Variants in RAP1GAP observed in about 807,000 individuals in gnomAD.
The protein encoded by RAP1GAP is rap1 GTPase-activating protein 1.
Under a neutral mutation model 87.2 loss-of-function variants are expected in RAP1GAP, and 35 were observed. The ratio of observed to expected loss-of-function variants is 0.40; its 90% confidence interval spans 0.31 to 0.53. The LOEUF is 0.53. RAP1GAP is among the 20% of genes least tolerant of loss of function. The probability of loss-of-function intolerance (pLI) is 0.48; values close to 1 mark genes in which losing one functional copy is unlikely to be tolerated. For synonymous variants in RAP1GAP, 375 were observed against 363.9 expected (o/e 1.03, Z -0.35); for missense variants, 734 against 898.9 (o/e 0.82, Z 2.35).
chr1:21,601,361 A>AT (rs1232810072), intron 20 of RAP1GAP, among the ~76,000 whole-genome samples: 8 of 151,644 alleles, frequency 5.3e-5, no homozygotes, highest in African/African-American at 1.7e-4. Context: ...GTCCCTCTTC[A>AT]TCCCCCCAAC....
intron 1 of RAP1GAP, among the ~76,000 whole-genome samples, chr1:21,661,282 C>A (rs2097146668): frequency 6.6e-6 from 1 of 151,702 alleles, no homozygotes; most frequent in African/African-American, 2.4e-5. Context: ...GGAGACGCAG[C>A]CATTCTTGGT....
chr1:21,617,165 TG>T, intron 7 of RAP1GAP, 140 bp downstream of exon 7: 1 of 910,918 alleles, frequency 1.1e-6, no homozygotes, highest in Non-Finnish European at 1.6e-6. Flanking sequence ...GGAGTGTGTG[TG>T]GTGGGAGCAC....
In RAP1GAP at chr1:21,613,826, G is replaced by T; in HGVS notation, c.396-120C>A. On this transcript the variant is annotated intron_variant, in intron 8 of 24. Transcript: ENST00000374765. The surrounding 1 kb of genome is among the most constrained non-coding windows in gnomAD (Gnocchi z 4.7). ...CACAGCGAGGACCAGAGGTGATGAT[G>T]GGTGTCAGGCTGACTCGGGTACTAA... 8.4e-7 allele frequency: 1 copy of T among 1,184,946 alleles called. No individual in the cohort carries two copies. Among genetic ancestry groups the T allele is most frequent in the Non-Finnish European group, 1.2e-6 (1 of 805,420 alleles). 73.4% of individuals were successfully genotyped at this position (1,184,946 alleles called of 1,614,324 possible). A position where few individuals can be genotyped will look rare whatever the true frequency, so the allele number is the denominator to read the frequency against.
At chr1:21,643,556 C>CA (rs58359978) in intron 2 of RAP1GAP, among the ~76,000 whole-genome samples, 6,226 of 65,806 alleles carry the variant, frequency 0.095, 314 homozygotes, top group African/African-American at 0.21. Flanking sequence ...GACTCCGTCT[C>CA]AAAAAAAAAA....
intron 2 of RAP1GAP, among the ~76,000 whole-genome samples, chr1:21,636,181 GCAGTGTAGC>G (rs1457890845): frequency 6.6e-6 from 1 of 152,230 alleles, no homozygotes; most frequent in East Asian, 1.9e-4. Context: ...GCCTAGAGAG[GCAGTGTAGC>G]GTCAGTGTGG....
intron 1 of RAP1GAP, among the ~76,000 whole-genome samples, chr1:21,652,641 G>A (rs1163948483): frequency 2.6e-5 from 4 of 152,088 alleles, no homozygotes; most frequent in African/African-American, 9.7e-5. Context: ...CCTTTAGAGG[G>A]AACTGGGCTC....
At chr1:21,620,609 G>A (rs2086424717) in intron 3 of RAP1GAP, among the ~76,000 whole-genome samples, 1 of 152,154 alleles carries the variant, frequency 6.6e-6, no homozygotes, top group Non-Finnish European at 1.5e-5. Flanking sequence ...GGTGAGCCAG[G>A]GCACACGCAG....
intron 2 of RAP1GAP, among the ~76,000 whole-genome samples, chr1:21,629,993 G>A (rs2093398807): frequency 6.6e-6 from 1 of 152,208 alleles, no homozygotes; most frequent in Non-Finnish European, 1.5e-5. Context: ...AGTCGGAAAG[G>A]TAATAGTAAC....
At chr1:21,626,433 C>T in intron 2 of RAP1GAP, 36 bp from the exon 3 acceptor site, 1 of 1,552,000 alleles carries the variant, frequency 6.4e-7, no homozygotes, top group Non-Finnish European at 8.9e-7. Context: ...GGGAGAGCCC[C>T]AAGCCAGGAA....
chr1:21,608,072 T>A (rs2075932316), intron 17 of RAP1GAP, 141 bp downstream of exon 17: 2 of 1,270,814 alleles, frequency 1.6e-6, no homozygotes, highest in Admixed American at 2.3e-5. Context: ...AATCCCCCAG[T>A]CCGGGACTCC....
chr1:21,607,930 C>T (rs1337077214), intron 17 of RAP1GAP, among the ~76,000 whole-genome samples: 2 of 151,702 alleles, frequency 1.3e-5, no homozygotes, highest in Non-Finnish European at 2.9e-5. Context: ...CCAGACTCTA[C>T]CCGCAGGCGA....
chr1:21,647,397 A>G (rs4654762), intron 2 of RAP1GAP, among the ~76,000 whole-genome samples: 131,315 of 152,136 alleles, frequency 0.86, 56,919 homozygotes, highest in East Asian at 0.97. Context: ...CCAGGAGGTG[A>G]AGGTTGCAGT....
At chr1:21,652,768 C>A (rs1184199265) in intron 1 of RAP1GAP, among the ~76,000 whole-genome samples, 2 of 152,188 alleles carry the variant, frequency 1.3e-5, no homozygotes, top group African/African-American at 4.8e-5. Flanking sequence ...GTTTCCCCCA[C>A]CCAAGTGGAG....
Position 21,612,110 on chromosome 1 carries a change from CT to C in RAP1GAP, c.529-2del. 1 of 1,550,616 alleles carries C rather than the reference CT, an allele frequency of 6.4e-7. No individual in the cohort carries two copies. The highest frequency in any genetic ancestry group is 8.7e-7 in the Non-Finnish European group (1 of 1,145,706). The stretch of plus-strand genomic sequence containing the variant: ...CAAAGGTGACGATGAGCCGGGAAGC[CT>C]GCAGGAGAGGACGCCGGGTGAAGAG... On this transcript the variant is annotated splice_acceptor_variant, in intron 10 of 24. Coordinates refer to ENST00000374765, the MANE Select transcript of RAP1GAP (RefSeq NM_002885.4). LOFTEE classifies it high-confidence loss of function.
At chr1:21,643,140 A>C (rs1033540604) in intron 2 of RAP1GAP, among the ~76,000 whole-genome samples, 1 of 151,864 alleles carries the variant, frequency 6.6e-6, no homozygotes, top group Non-Finnish European at 1.5e-5. Flanking sequence ...CCCAACGCCC[A>C]GCACAGGGTT....
In RAP1GAP at chr1:21,597,067, G is replaced by A. The variant is rs957987395; in HGVS notation, c.*232C>T. ...TGCCCCAGCCCAGACCCCCAGGCTG[G>A]GGGTGGGGACGATGCCAGCAGCTTC... On this transcript the variant is annotated 3_prime_UTR_variant, in exon 25 of 25. Transcript: ENST00000374765. 1 of 152,594 alleles carries A rather than the reference G, an allele frequency of 6.6e-6. No homozygotes were observed. Among genetic ancestry groups the A allele is most frequent in the African/African-American group, 2.4e-5 (1 of 41,418 alleles). 9.5% of individuals were successfully genotyped at this position (152,594 alleles called of 1,614,324 possible).
At chr1:21,635,298 C>A (rs1296414536) in intron 2 of RAP1GAP, among the ~76,000 whole-genome samples, 2 of 152,194 alleles carry the variant, frequency 1.3e-5, no homozygotes, top group Non-Finnish European at 2.9e-5. Context: ...CCAGCCTCCG[C>A]AGCCCAGGGG....
At position 21,612,127 on chromosome 1, in the gene RAP1GAP, G is replaced by T; in HGVS notation, c.529-18C>A. ...CGGGAAGCCTGCAGGAGAGGACGCC[G>T]GGTGAAGAGGCTGCGTGTGCAAGCT... On this transcript the variant is annotated intron_variant, in intron 10 of 24. Coordinates refer to ENST00000374765, the MANE Select transcript of RAP1GAP (RefSeq NM_002885.4). 6.5e-7 allele frequency: 1 copy of T among 1,530,544 alleles called. No homozygotes were observed. The highest frequency in any genetic ancestry group is 8.9e-7 in the Non-Finnish European group (1 of 1,127,708). 94.8% of individuals were successfully genotyped at this position (1,530,544 alleles called of 1,614,324 possible).
At position 21,611,435 on chromosome 1, in the gene RAP1GAP, G is replaced by A. The variant is rs764185848; in HGVS notation, c.843+17C>T. 1.3e-5 allele frequency: 21 copies of A among 1,608,118 alleles called. No homozygotes were observed. In the Admixed American group the frequency reaches 3.1e-4, roughly 24 times the overall value. ...GACAGGTGGAAGACAGGAGGCAGGTGGGGGTGCCCAGGCTACCTGCTGGGC... is the reference window on the plus strand; with the variant it reads ...GACAGGTGGAAGACAGGAGGCAGGTAGGGGTGCCCAGGCTACCTGCTGGGC... On this transcript the variant is annotated intron_variant, in intron 13 of 24. Coordinates refer to ENST00000374765, the MANE Select transcript of RAP1GAP (RefSeq NM_002885.4).
Sources: gnomAD v4.1 joint callset for allele counts (sites outside exome capture counted in the v4.1 genomes callset) on GRCh38, gnomAD v4.1.1 for gene constraint, Gnocchi (gnomAD v3.1) non-coding constraint, MANE v1.5 for transcripts, NCBI Gene and HGNC (gene_info 2026-07-23, HGNC 2026-07-21) for gene names.